The following PHACTR4 variants were observed in gnomAD, a reference collection of about 807,000 sequenced individuals.
The protein encoded by PHACTR4 is phosphatase and actin regulator 4.
In PHACTR4, 51 loss-of-function variants were observed where a neutral mutation model predicts 72.7. That is an observed-to-expected ratio of 0.70 (90% confidence interval 0.56 to 0.89). The LOEUF (loss-of-function observed/expected upper bound fraction) is 0.89. Ranked by LOEUF, PHACTR4 falls within the 40% of genes least tolerant of loss-of-function variation. The probability of loss-of-function intolerance (pLI) is 0.00; values close to 1 mark genes in which losing one functional copy is unlikely to be tolerated. For synonymous variants in PHACTR4, 255 were observed against 302.5 expected (o/e 0.84, Z 1.63); for missense variants, 731 against 861.8 (o/e 0.85, Z 1.90).
intron 1 of PHACTR4, among the ~76,000 whole-genome samples, chr1:28,387,877 G>A (rs547154266): frequency 3.3e-5 from 5 of 152,100 alleles, no homozygotes; most frequent in Admixed American, 6.5e-5. Context: ...ACAGGTGCAC[G>A]CCACCACGCC....
chr1:28,403,436 T>C (rs764413165), intron 1 of PHACTR4, among the ~76,000 whole-genome samples: 61 of 152,164 alleles, frequency 4.0e-4, no homozygotes, highest in Non-Finnish European at 8.1e-4. Context: ...CCTGAAAGGA[T>C]TGACAGTTGT....
At chr1:28,487,896 C>A (rs547400092) in intron 9 of PHACTR4, among the ~76,000 whole-genome samples, 2 of 151,562 alleles carry the variant, frequency 1.3e-5, no homozygotes, top group African/African-American at 4.8e-5. Context: ...CCACAACATC[C>A]GGCTAATTTT....
At chr1:28,426,510 C>A (rs75831180) in intron 2 of PHACTR4, among the ~76,000 whole-genome samples, 13,340 of 151,146 alleles carry the variant, frequency 0.088, 1,250 homozygotes, top group African/African-American at 0.24. Context: ...ACAAAAAAAA[C>A]CCAATTAGCC....
Position 28,409,554 on chromosome 1 carries a change from G to C in PHACTR4, c.16+2091G>C, listed in dbSNP as rs11810777. 3.8e-3 allele frequency among the ~76,000 whole-genome samples: 580 copies of C among 152,206 alleles called. 5 individuals are homozygous for C. Among genetic ancestry groups the C allele is most frequent in the African/African-American group, 0.014 (565 of 41,528 alleles). On this transcript the variant is annotated intron_variant, in intron 2 of 13. Coordinates refer to ENST00000373839, the MANE Select transcript of PHACTR4 (RefSeq NM_001048183.3). The stretch of plus-strand genomic sequence containing the variant: ...GCAGTTTTACTTGTTTAATTTCAGC[G>C]TACTGGAGGAAGCATCCGATTCAAG...
At chr1:28,387,066 C>A (rs937927845) in intron 1 of PHACTR4, among the ~76,000 whole-genome samples, 1 of 151,878 alleles carries the variant, frequency 6.6e-6, no homozygotes, top group African/African-American at 2.4e-5. Context: ...ATCGAGACAA[C>A]CCTGGCCAAC....
chr1:28,424,270 C>G (rs1384326385), intron 2 of PHACTR4, among the ~76,000 whole-genome samples: 1 of 152,072 alleles, frequency 6.6e-6, no homozygotes, highest in Non-Finnish European at 1.5e-5. Flanking sequence ...GGGCTCACTG[C>G]AGCCTTCACC....
chr1:28,372,062 T>A (rs1651288951), intron 1 of PHACTR4, among the ~76,000 whole-genome samples: 1 of 151,640 alleles, frequency 6.6e-6, no homozygotes, highest in African/African-American at 2.4e-5. Context: ...TTTTTTTTTT[T>A]TTAGTAGAGA....
At chr1:28,472,194 C>G (rs1307177381) in intron 6 of PHACTR4, among the ~76,000 whole-genome samples, 1 of 141,392 alleles carries the variant, frequency 7.1e-6, no homozygotes, top group Admixed American at 7.1e-5. Flanking sequence ...GCCTGGGCGA[C>G]AAGACTCCGT....
At chr1:28,440,871 T>C (rs980621963) in intron 2 of PHACTR4, among the ~76,000 whole-genome samples, 1 of 152,180 alleles carries the variant, frequency 6.6e-6, no homozygotes, top group Non-Finnish European at 1.5e-5. Flanking sequence ...GGGTAGCTGT[T>C]TGGAAAATCT....
At chr1:28,495,828 G>A (rs545700823) in intron 13 of PHACTR4, among the ~76,000 whole-genome samples, 5 of 151,868 alleles carry the variant, frequency 3.3e-5, no homozygotes, top group Admixed American at 6.6e-5. Context: ...TGTTGCCCAG[G>A]CTGCTCTCAA....
At chr1:28,434,324 CTTT>C (rs67495104) in intron 2 of PHACTR4, among the ~76,000 whole-genome samples, 3 of 143,370 alleles carry the variant, frequency 2.1e-5, no homozygotes, top group Non-Finnish European at 4.6e-5. Flanking sequence ...AGAATCCTTT[CTTT>C]TTTTTTTTTT....
At chr1:28,447,260 C>CCT (rs1182441060) in intron 2 of PHACTR4, among the ~76,000 whole-genome samples, 2 of 152,140 alleles carry the variant, frequency 1.3e-5, no homozygotes, top group Non-Finnish European at 2.9e-5. Flanking sequence ...GATCCTCCTG[C>CCT]CTTGGCCTCC....
At chr1:28,388,948 G>A (rs1030643683) in intron 1 of PHACTR4, among the ~76,000 whole-genome samples, 22 of 152,096 alleles carry the variant, frequency 1.4e-4, no homozygotes, top group African/African-American at 5.1e-4. Context: ...TTCATGACTT[G>A]GTCTGGGCAA....
At position 28,440,027 on chromosome 1, in the gene PHACTR4, C is replaced by T. The variant is rs368742210; in HGVS notation, c.17-19058C>T. Among the ~76,000 whole-genome samples, 35 of 152,168 alleles carry T rather than the reference C, an allele frequency of 2.3e-4. 2 individuals are homozygous for T. The East Asian group carries it at 3.1e-3, about 14-fold the overall frequency. On this transcript the variant is annotated intron_variant, in intron 2 of 13. Transcript: ENST00000373839. ...ATTAAAAACTTCATCTGAGGCCGGG[C>T]GCGGTGGCTCACGCCTGTAATCCCA...
Position 28,433,863 on chromosome 1 carries a change from C to T in PHACTR4, c.17-25222C>T, listed in dbSNP as rs374019135. Among the ~76,000 whole-genome samples the T allele has an allele frequency of 3.7e-4, 56 of 152,150 alleles. No individual in the cohort carries two copies. In the East Asian group the frequency reaches 5.4e-3, roughly 15 times the overall value. Reference sequence around the variant, plus strand: ...ATGGTGCAATCTTGGTCACTGCAACCTCCGCTTCCTGGATTCAAGCCATTC... The same window carrying T: ...ATGGTGCAATCTTGGTCACTGCAACTTCCGCTTCCTGGATTCAAGCCATTC... On this transcript the variant is annotated intron_variant, in intron 2 of 13. Transcript: ENST00000373839.
At position 28,453,591 on chromosome 1, in the gene PHACTR4, A is replaced by G. The variant is rs537103748; in HGVS notation, c.17-5494A>G. On this transcript the variant is annotated intron_variant, in intron 2 of 13. Coordinates refer to ENST00000373839, the MANE Select transcript of PHACTR4 (RefSeq NM_001048183.3). ...TTGGGCAGCAGAGGCAGCACAGTGG[A>G]TGCATTTCTGACCTTCTACAGTGAG... 14 of 972,250 alleles carry G rather than the reference A, an allele frequency of 1.4e-5. No individual in the cohort carries two copies. The East Asian group carries it at 2.5e-4, about 17-fold the overall frequency. 60.2% of individuals were successfully genotyped at this position (972,250 alleles called of 1,614,324 possible).
chr1:28,474,000 G>T lies in PHACTR4; in HGVS notation c.1270G>T (p.Ala424Ser), dbSNP rs1409870596. 1.2e-6 allele frequency: 2 copies of T among 1,613,972 alleles called. No individual in the cohort carries two copies. Among genetic ancestry groups the T allele is most frequent in the Non-Finnish European group, 1.7e-6 (2 of 1,180,014 alleles). Residue 424 changes from alanine to serine, a missense_variant, in exon 7 of 14, where the codon GCC becomes TCC. By Grantham distance (99) the Ala-to-Ser change is moderately conservative. This residue lies in a region of PHACTR4 where 621 missense variants were observed against 676.6 expected (regional missense o/e 0.92). Coordinates refer to ENST00000373839, the MANE Select transcript of PHACTR4 (RefSeq NM_001048183.3). The part of the protein sequence containing the change: ...PLPLHIRIQQ[A>S]LTSPLPMTPI... ...CCCACTGCATATTCGAATCCAGCAG[G>T]CCCTCACCAGCCCACTTCCCATGAC...
intron 2 of PHACTR4, among the ~76,000 whole-genome samples, chr1:28,417,665 A>T (rs1655189337): frequency 6.6e-6 from 1 of 152,294 alleles, no homozygotes; most frequent in South Asian, 2.1e-4. Context: ...AATTTTCCAT[A>T]TTATATCTTT....
intron 1 of PHACTR4, among the ~76,000 whole-genome samples, chr1:28,398,003 G>A (rs1416863654): frequency 4.6e-5 from 7 of 151,606 alleles, no homozygotes; most frequent in Admixed American, 2.6e-4. Context: ...ATGAGCCACC[G>A]CCGCTGGCCT....
Sources: allele counts gnomAD v4.1 joint callset (sites outside exome capture counted in the v4.1 genomes callset), GRCh38; gene constraint gnomAD v4.1.1; regional missense constraint gnomAD v4.1.1; transcripts MANE v1.5; gene names NCBI Gene and HGNC (gene_info 2026-07-23, HGNC 2026-07-21).